Variants in FUT8 observed in about 807,000 individuals in gnomAD.
FUT8 encodes fucosyltransferase 8, also known as alpha-(1,6)-fucosyltransferase.
FUT8 carries 29 observed loss-of-function variants against 71.3 expected under a neutral mutation model. The observed-to-expected ratio is 0.41, with a 90% CI of 0.30 to 0.55. The LOEUF (loss-of-function observed/expected upper bound fraction) is 0.55. FUT8 is among the 20% of genes least tolerant of loss of function. The probability of loss-of-function intolerance (pLI) is 0.34; values close to 1 mark genes in which losing one functional copy is unlikely to be tolerated. For missense variants in FUT8, 544 were observed against 702.1 expected, an observed-to-expected ratio of 0.77 and a Z score of 2.55; for synonymous variants, 254 against 239.3, an observed-to-expected ratio of 1.06 and a Z score of -0.57.
chr14:65,411,143 G>C (rs181019393), upstream of FUT8: 2 of 152,214 alleles, frequency 1.3e-5, no homozygotes, highest in Non-Finnish European at 2.9e-5. Flanking sequence ...GAAATCTCAT[G>C]GGAGAGAGCA....
intron 10 of FUT8, among the ~76,000 whole-genome samples, chr14:65,740,936 G>T (rs1896468336): frequency 6.6e-6 from 1 of 151,954 alleles, no homozygotes; most frequent in Admixed American, 6.6e-5. Flanking sequence ...GTCCTAAATT[G>T]CTCCACTGAG....
At chr14:65,663,476 A>C (rs1282175996) in intron 6 of FUT8, among the ~76,000 whole-genome samples, 2 of 151,750 alleles carry the variant, frequency 1.3e-5, no homozygotes, top group African/African-American at 4.8e-5. Context: ...TGGAACTTTT[A>C]TGAGCAAGTT....
At chr14:65,698,886 A>G (rs1360090123) in intron 7 of FUT8, among the ~76,000 whole-genome samples, 1 of 152,140 alleles carries the variant, frequency 6.6e-6, no homozygotes, top group Non-Finnish European at 1.5e-5. Flanking sequence ...CTTGTTCCAG[A>G]CTTATGGGGG....
intron 3 of FUT8, among the ~76,000 whole-genome samples, chr14:65,587,208 A>T (rs868002930): frequency 7.4e-4 from 112 of 152,102 alleles, no homozygotes; most frequent in African/African-American, 2.5e-3. Flanking sequence ...AAAAACAAAA[A>T]AAACTAATTT....
chr14:65,706,672 C>T (rs1387990451), intron 7 of FUT8, among the ~76,000 whole-genome samples: 1 of 152,068 alleles, frequency 6.6e-6, no homozygotes, highest in Non-Finnish European at 1.5e-5. Flanking sequence ...GTAGAAGGGG[C>T]AAACAAGTTC....
At chr14:65,491,075 A>T (rs1044540884) in intron 2 of FUT8, among the ~76,000 whole-genome samples, 1 of 152,134 alleles carries the variant, frequency 6.6e-6, no homozygotes, top group African/African-American at 2.4e-5. Flanking sequence ...GGACCATATT[A>T]AAACTGGTAA....
intron 2 of FUT8, among the ~76,000 whole-genome samples, chr14:65,542,497 A>G (rs1884733383): frequency 6.6e-6 from 1 of 152,204 alleles, no homozygotes; most frequent in South Asian, 2.1e-4. Flanking sequence ...TGTGAGATAT[A>G]TACTCTATGC....
chr14:65,620,967 C>T (rs1036535271), intron 5 of FUT8, among the ~76,000 whole-genome samples: 14 of 152,072 alleles, frequency 9.2e-5, no homozygotes, highest in African/African-American at 2.9e-4. Context: ...GATTCTTCAT[C>T]GCCTGTAATG....
intron 1 of FUT8, among the ~76,000 whole-genome samples, chr14:65,436,435 CCTGG>C (rs2065560748): frequency 6.6e-6 from 1 of 151,918 alleles, no homozygotes; most frequent in Non-Finnish European, 1.5e-5. Context: ...TCGAGACCAT[CCTGG>C]CTAACATGGT....
chr14:65,677,808 C>A (rs1892837976), intron 7 of FUT8, among the ~76,000 whole-genome samples: 1 of 152,052 alleles, frequency 6.6e-6, no homozygotes, highest in African/African-American at 2.4e-5. Context: ...TATCATGAGA[C>A]CCATACATCT....
chr14:65,666,684 T>G (rs1892233797), intron 6 of FUT8, among the ~76,000 whole-genome samples: 1 of 152,124 alleles, frequency 6.6e-6, no homozygotes, highest in South Asian at 2.1e-4. Context: ...GAGGGCAGCA[T>G]CATTCTGATA....
chr14:65,657,905 C>T (rs921721467), intron 6 of FUT8, among the ~76,000 whole-genome samples: 24 of 151,848 alleles, frequency 1.6e-4, no homozygotes, highest in African/African-American at 5.8e-4. Context: ...GTAAAAATAC[C>T]TTATGTACCC....
At chr14:65,376,689 G>A in the FUT8 span, among the ~76,000 whole-genome samples, 1 of 152,056 alleles carries the variant, frequency 6.6e-6, no homozygotes, top group African/African-American at 2.4e-5. Flanking sequence ...TGGGATTACA[G>A]GCATGAGCCG....
At chr14:65,540,932 T>G (rs892533159) in intron 2 of FUT8, among the ~76,000 whole-genome samples, 12 of 152,244 alleles carry the variant, frequency 7.9e-5, no homozygotes, top group African/African-American at 2.9e-4. Flanking sequence ...CAGGTCACAT[T>G]TTGATGGATA....
chr14:65,726,546 A>C (rs566280698), intron 9 of FUT8, among the ~76,000 whole-genome samples: 11 of 152,328 alleles, frequency 7.2e-5, no homozygotes, highest in Non-Finnish European at 1.3e-4. Flanking sequence ...ACTATTCGCT[A>C]TCACGAGAAC....
chr14:65,384,763 GTA>G, the FUT8 span, among the ~76,000 whole-genome samples: 1 of 152,114 alleles, frequency 6.6e-6, no homozygotes, highest in African/African-American at 2.4e-5. The surrounding 1 kb of genome is among the most constrained non-coding windows in gnomAD (Gnocchi z 4.2). Flanking sequence ...GGGAAGATTT[GTA>G]TATACTTGTA....
chr14:65,649,105 A>G (rs1049131815), intron 6 of FUT8, among the ~76,000 whole-genome samples: 1 of 152,192 alleles, frequency 6.6e-6, no homozygotes, highest in Admixed American at 6.5e-5. Flanking sequence ...TCATTGTTAA[A>G]CAAAATATAT....
In FUT8 at chr14:65,577,322, A is replaced by C. The variant is rs150963585; in HGVS notation, c.203+15556A>C. Among the ~76,000 whole-genome samples, 8 of 152,272 alleles carry C rather than the reference A, an allele frequency of 5.3e-5. No homozygotes were observed. The East Asian group carries it at 1.3e-3, about 26-fold the overall frequency. On this transcript the variant is annotated intron_variant, in intron 3 of 10. Transcript: ENST00000673929. ...TGATCGGTTATGCTTAGAAAGGAACAATCTAGTGAAATGAAAGGCCTGGGC... is the reference window on the plus strand; with the variant it reads ...TGATCGGTTATGCTTAGAAAGGAACCATCTAGTGAAATGAAAGGCCTGGGC...
At chr14:65,633,003 C>CG (rs1890277528) in intron 6 of FUT8, among the ~76,000 whole-genome samples, 1 of 128,254 alleles carries the variant, frequency 7.8e-6, no homozygotes, top group Admixed American at 7.7e-5. Flanking sequence ...CCCCTCTCCC[C>CG]TCCCCCCCCC....
Sources: gnomAD v4.1 joint callset for allele counts (sites outside exome capture counted in the v4.1 genomes callset) on GRCh38, gnomAD v4.1.1 for gene constraint, Gnocchi (gnomAD v3.1) non-coding constraint, MANE v1.5 for transcripts, NCBI Gene and HGNC (gene_info 2026-07-23, HGNC 2026-07-21) for gene names.